The following BCL2L11 variants were observed in gnomAD, a reference collection of about 807,000 sequenced individuals.
The protein encoded by BCL2L11 is BCL2 like 11.
In BCL2L11, 15 loss-of-function variants were observed where a neutral mutation model predicts 20.6. The ratio of observed to expected loss-of-function variants is 0.73; its 90% CI spans 0.49 to 1.12. The LOEUF is 1.12. Ranked by LOEUF, BCL2L11 falls within the 50% of genes most tolerant of loss-of-function variation. The probability of loss-of-function intolerance (pLI) is 0.00; values close to 1 mark genes in which losing one functional copy is unlikely to be tolerated. For missense variants in BCL2L11, 292 were observed against 260.9 expected (o/e 1.12, Z -0.82); for synonymous variants, 108 against 92.8 (o/e 1.16, Z -0.94).
intron 2 of BCL2L11, chr2:111,128,523 G>A: frequency 7.3e-7 from 1 of 1,370,848 alleles, no homozygotes; most frequent in Middle Eastern, 2.7e-4. Flanking sequence ...CCATCATGCT[G>A]TTCTCCATAG....
At chr2:111,164,071 T>TTCCCC in intron 3 of BCL2L11, 62 bp from the exon 4 acceptor site, 7 of 664,732 alleles carry the variant, frequency 1.1e-5, no homozygotes, top group Non-Finnish European at 1.4e-5. Context: ...AAATATGGGC[T>TTCCCC]CCCACCCCTC....
chr2:111,163,188 G>GA (rs2078774483), intron 3 of BCL2L11: 1 of 152,394 alleles, frequency 6.6e-6, no homozygotes, highest in African/African-American at 2.4e-5. Flanking sequence ...TCCCGCGACG[G>GA]TGTGTTGGAG....
chr2:111,164,323 T>G lies in BCL2L11; in HGVS notation c.*92T>G. The G allele has an allele frequency of 1.1e-6, 1 of 943,714 alleles. No homozygotes were observed. Among genetic ancestry groups the G allele is most frequent in the Non-Finnish European group, 1.7e-6 (1 of 575,194 alleles). The allele number at this position is 943,714 out of a possible 1,614,324, so 58.5% of individuals were successfully genotyped here. A position where few individuals can be genotyped will look rare whatever the true frequency, so the allele number is the denominator to read the frequency against. The stretch of plus-strand genomic sequence containing the variant: ...CCGCGGTCTCCTGGTGCCATTATTA[T>G]GCAGCCAGCGGTTCTCTTGTGGAGG... On this transcript the variant is annotated 3_prime_UTR_variant, in exon 4 of 4. Transcript: ENST00000393256.
At chr2:111,135,676 G>A (rs569515101) in intron 2 of BCL2L11, among the ~76,000 whole-genome samples, 1 of 152,338 alleles carries the variant, frequency 6.6e-6, no homozygotes, top group East Asian at 1.9e-4. Context: ...AGTACCCACT[G>A]GGTGCCCAGA....
intron 3 of BCL2L11, among the ~76,000 whole-genome samples, chr2:111,158,752 G>A (rs574675099): frequency 6.8e-4 from 103 of 152,246 alleles, no homozygotes; most frequent in Non-Finnish European, 8.4e-4. Flanking sequence ...TGAAATTGTC[G>A]TTTTTCCCTC....
chr2:111,144,234 A>G (rs2076212924), intron 2 of BCL2L11, among the ~76,000 whole-genome samples: 1 of 152,230 alleles, frequency 6.6e-6, no homozygotes, highest in Non-Finnish European at 1.5e-5. Context: ...AGATTGAGGA[A>G]TCTTTGAGTA....
At position 111,133,219 on chromosome 2, in the gene BCL2L11, T is replaced by C. The variant is rs35633067; in HGVS notation, c.394+9080T>C. ...AAATAACTCAAAAGCAAAAGGATTTTCTTCAATTAGAATGGCAGCCTGCCA... is the reference window on the plus strand; with the variant it reads ...AAATAACTCAAAAGCAAAAGGATTTCCTTCAATTAGAATGGCAGCCTGCCA... On this transcript the variant is annotated intron_variant, in intron 2 of 3. Coordinates refer to ENST00000393256, the MANE Select transcript of BCL2L11 (RefSeq NM_138621.5). 5.8e-3 allele frequency among the ~76,000 whole-genome samples: 888 copies of C among 152,350 alleles called. 7 individuals carry two copies. The highest frequency in any genetic ancestry group is 0.02 in the Middle Eastern group (6 of 294).
At chr2:111,124,774 G>A (rs1336478933) in intron 2 of BCL2L11, among the ~76,000 whole-genome samples, 3 of 152,138 alleles carry the variant, frequency 2.0e-5, no homozygotes, top group Non-Finnish European at 4.4e-5. Flanking sequence ...AATCAAAAGT[G>A]TAAAGAAAGA....
intron 2 of BCL2L11, among the ~76,000 whole-genome samples, chr2:111,149,121 G>A (rs1017852517): frequency 6.6e-6 from 1 of 152,186 alleles, no homozygotes; most frequent in East Asian, 1.9e-4. Context: ...TCCTGTACAC[G>A]TTACTGAACT....
At position 111,142,320 on chromosome 2, in the gene BCL2L11, C is replaced by T. The variant is rs148743335; in HGVS notation, c.395-7724C>T. 70 of 1,550,350 alleles carry T rather than the reference C, an allele frequency of 4.5e-5. No individual in the cohort carries two copies. The East Asian group carries it at 1.3e-3, about 30-fold the overall frequency. ...CATTTTTATGGCTTGCAGATGACTC[C>T]GCTGGATCCTCCCTCAGAATTGCCC... On this transcript the variant is annotated intron_variant, in intron 2 of 3. Coordinates refer to ENST00000393256, the MANE Select transcript of BCL2L11 (RefSeq NM_138621.5).
At chr2:111,128,753 A>AC (rs1402163749) in intron 2 of BCL2L11, 1 of 1,545,640 alleles carries the variant, frequency 6.5e-7, no homozygotes, top group Non-Finnish European at 8.7e-7. Flanking sequence ...TTCTCATGAT[A>AC]CCTTTTTATA....
At chr2:111,161,422 C>T (rs1314044141) in intron 3 of BCL2L11, 1 of 1,550,496 alleles carries the variant, frequency 6.4e-7, no homozygotes, top group Non-Finnish European at 8.7e-7. Flanking sequence ...TTCACAGATG[C>T]CTCTTCCACC....
chr2:111,164,995 C>A lies in BCL2L11; in HGVS notation c.*764C>A, dbSNP rs954237828. ...TTGTGATGCAACTCCAGTCTGGACT[C>A]AGATGCATAGATTTGGTCCAGTGTA... On this transcript the variant is annotated 3_prime_UTR_variant, in exon 4 of 4. Coordinates refer to ENST00000393256, the MANE Select transcript of BCL2L11 (RefSeq NM_138621.5). The A allele has an allele frequency of 6.6e-6, 1 of 152,230 alleles. No homozygotes were observed. The highest frequency in any genetic ancestry group is 2.4e-5 in the African/African-American group (1 of 41,458). The allele number at this position is 152,230 out of a possible 1,614,324, so 9.4% of individuals were successfully genotyped here.
chr2:111,123,742 C>A lies in BCL2L11; in HGVS notation c.-4C>A. 2 of 1,381,758 alleles carry A rather than the reference C, an allele frequency of 1.4e-6. No homozygotes were observed. Among genetic ancestry groups the A allele is most frequent in the Admixed American group, 2.8e-5 (1 of 35,734 alleles). The allele number at this position is 1,381,758 out of a possible 1,614,324, so 85.6% of individuals were successfully genotyped here. A position where few individuals can be genotyped will look rare whatever the true frequency, so the allele number is the denominator to read the frequency against. On this transcript the variant is annotated 5_prime_UTR_variant, in exon 2 of 4. Coordinates refer to ENST00000393256, the MANE Select transcript of BCL2L11 (RefSeq NM_138621.5). ...TTTATTTTACTTGCAGAAAAAAAGACCAAATGGCAAAGCAACCTTCTGATG... is the reference window on the plus strand; with the variant it reads ...TTTATTTTACTTGCAGAAAAAAAGAACAAATGGCAAAGCAACCTTCTGATG...
At chr2:111,122,582 C>G (rs956925359) in intron 1 of BCL2L11, 2 of 980,730 alleles carry the variant, frequency 2.0e-6, no homozygotes, top group South Asian at 4.6e-5. Context: ...CCGGCGCCAG[C>G]GGCGCGGGGA....
At chr2:111,141,027 G>A (rs569522511) in intron 2 of BCL2L11, among the ~76,000 whole-genome samples, 1 of 152,190 alleles carries the variant, frequency 6.6e-6, no homozygotes, top group Non-Finnish European at 1.5e-5. Context: ...TGTGGAGTAG[G>A]AGGTTCCAGC....
At chr2:111,130,120 T>C in intron 2 of BCL2L11, 2 of 395,748 alleles carry the variant, frequency 5.1e-6, no homozygotes, top group African/African-American at 2.2e-5. Flanking sequence ...TTTTTTTTTT[T>C]TTTTGTGACA....
chr2:111,128,623 A>G, intron 2 of BCL2L11: 1 of 1,461,568 alleles, frequency 6.8e-7, no homozygotes, highest in South Asian at 1.4e-5. Flanking sequence ...TTTTTTTTTA[A>G]CAGTAGTCAT....
chr2:111,153,752 C>T, intron 3 of BCL2L11: 1 of 1,552,154 alleles, frequency 6.4e-7, no homozygotes, highest in Non-Finnish European at 8.7e-7. Flanking sequence ...CTTGCAAAGC[C>T]TGACAGGATA....
Sources: gnomAD v4.1 joint callset for allele counts (sites outside exome capture counted in the v4.1 genomes callset) on GRCh38, gnomAD v4.1.1 for gene constraint, MANE v1.5 for transcripts, NCBI Gene and HGNC (gene_info 2026-07-23, HGNC 2026-07-21) for gene names.